NRP2: variants seen among roughly 807,000 people sequenced by gnomAD.
The protein encoded by NRP2 is neuropilin 2.
A neutral mutation model predicts 110.4 loss-of-function variants in NRP2; 52 were observed. The ratio of observed to expected loss-of-function variants is 0.47; its 90% CI spans 0.38 to 0.59. The LOEUF (loss-of-function observed/expected upper bound fraction) is 0.59, where lower values mean the gene tolerates loss of function less well. NRP2 is among the 20% of genes least tolerant of loss of function. The probability of loss-of-function intolerance (pLI) is 0.00; values close to 1 mark genes in which losing one functional copy is unlikely to be tolerated. For synonymous variants in NRP2, 508 were observed against 468.9 expected (o/e 1.08, Z -1.08); for missense variants, 1,049 against 1,203.0 (o/e 0.87, Z 1.89).
At chr2:205,736,470 C>A (rs1009431438) in intron 7 of NRP2, among the ~76,000 whole-genome samples, 1 of 152,210 alleles carries the variant, frequency 6.6e-6, no homozygotes, top group Non-Finnish European at 1.5e-5. Context: ...TTCTCAGATA[C>A]CTCACTGCAA....
intron 1 of NRP2, among the ~76,000 whole-genome samples, chr2:205,687,637 C>T (rs1236176927): frequency 2.0e-5 from 3 of 152,142 alleles, no homozygotes. Flanking sequence ...CCATAGAGCC[C>T]TCAGACATTA....
At chr2:205,786,288 G>GGTC (rs1326832537) in intron 15 of NRP2, among the ~76,000 whole-genome samples, 1 of 152,170 alleles carries the variant, frequency 6.6e-6, no homozygotes, top group Non-Finnish European at 1.5e-5. Flanking sequence ...CTTTTACTGA[G>GGTC]GTCTCAGTGT....
At position 205,785,963 on chromosome 2, in the gene NRP2, G is replaced by A. The variant is rs184641783; in HGVS notation, c.2426-6272G>A. Among the ~76,000 whole-genome samples, 11 of 151,996 alleles carry A rather than the reference G, an allele frequency of 7.2e-5. No homozygotes were observed. In the East Asian group the frequency reaches 1.2e-3, roughly 16 times the overall value. Reference sequence around the variant, plus strand: ...TCCAAAAAATATTTTTTCCATGACCGTGCCTAGATTTGGCTGTAGCCCAAG... The same window carrying A: ...TCCAAAAAATATTTTTTCCATGACCATGCCTAGATTTGGCTGTAGCCCAAG... On this transcript the variant is annotated intron_variant, in intron 15 of 16. Transcript: ENST00000357785.
At chr2:205,685,807 G>C (rs2056142540) in intron 1 of NRP2, 2 of 152,656 alleles carry the variant, frequency 1.3e-5, no homozygotes, top group South Asian at 4.1e-4. Context: ...GGGAATCCAA[G>C]CGCTGGCCCA....
chr2:205,693,426 G>A (rs1166769266), intron 1 of NRP2, among the ~76,000 whole-genome samples: 1 of 151,990 alleles, frequency 6.6e-6, no homozygotes, highest in East Asian at 1.9e-4. Flanking sequence ...AGGAGGCCTG[G>A]ACACTACAAT....
intron 10 of NRP2, among the ~76,000 whole-genome samples, chr2:205,748,979 T>C (rs965868978): frequency 6.6e-6 from 1 of 152,150 alleles, no homozygotes; most frequent in Non-Finnish European, 1.5e-5. Flanking sequence ...TGCTACTTAG[T>C]ATAACATTTT....
chr2:205,716,388 C>A lies in NRP2; in HGVS notation c.433+14C>A, dbSNP rs756581851. 3 of 1,613,128 alleles carry A rather than the reference C, an allele frequency of 1.9e-6. No individual in the cohort carries two copies. Among genetic ancestry groups the A allele is most frequent in the Non-Finnish European group, 2.5e-6 (3 of 1,179,946 alleles). ...TCTTCAAGACAGGTCAGTGTGGTCACACGTAGGGGCCGGGAGATGGGCGTC... is the reference window on the plus strand; with the variant it reads ...TCTTCAAGACAGGTCAGTGTGGTCAAACGTAGGGGCCGGGAGATGGGCGTC... On this transcript the variant is annotated intron_variant, in intron 3 of 16. Transcript: ENST00000357785.
At chr2:205,738,308 G>T (rs886227230) in intron 7 of NRP2, among the ~76,000 whole-genome samples, 2 of 152,078 alleles carry the variant, frequency 1.3e-5, no homozygotes, top group African/African-American at 4.8e-5. Context: ...GAGCAAGCCA[G>T]TGGAGGCCCC....
At chr2:205,696,389 G>A (rs1397958819) in intron 1 of NRP2, among the ~76,000 whole-genome samples, 5 of 152,306 alleles carry the variant, frequency 3.3e-5, no homozygotes, top group Non-Finnish European at 4.4e-5. Context: ...TGCAGATGGC[G>A]ATATTAAATC....
chr2:205,709,167 G>A (rs145053556), intron 2 of NRP2, among the ~76,000 whole-genome samples: 1 of 152,302 alleles, frequency 6.6e-6, no homozygotes, highest in East Asian at 1.9e-4. Flanking sequence ...ATAAAATCTC[G>A]AAAACTCAAG....
At chr2:205,776,253 C>G (rs1208268359) in intron 15 of NRP2, 5 of 1,612,792 alleles carry the variant, frequency 3.1e-6, no homozygotes, top group Non-Finnish European at 4.2e-6. Context: ...CAGGGGGCAC[C>G]CTCCTGCCAG....
At chr2:205,733,414 G>A (rs549835538) in intron 7 of NRP2, among the ~76,000 whole-genome samples, 21 of 152,172 alleles carry the variant, frequency 1.4e-4, no homozygotes, top group Non-Finnish European at 2.8e-4. Flanking sequence ...GTGGAATCAT[G>A]TTCCTTGCCC....
chr2:205,787,972 G>A lies in NRP2; in HGVS notation c.2426-4263G>A, dbSNP rs182863963. ...GGTTGGGTTTGTGACTGGATATGGCGTTCACCCTTTGTGCCGTAGTGTTGC... is the reference window on the plus strand; with the variant it reads ...GGTTGGGTTTGTGACTGGATATGGCATTCACCCTTTGTGCCGTAGTGTTGC... On this transcript the variant is annotated intron_variant, in intron 15 of 16. Coordinates refer to ENST00000357785, the MANE Select transcript of NRP2 (RefSeq NM_003872.3). 4.6e-5 allele frequency among the ~76,000 whole-genome samples: 7 copies of A among 152,208 alleles called. No homozygotes were observed. In the East Asian group the frequency reaches 5.8e-4, roughly 13 times the overall value.
At position 205,731,458 on chromosome 2, in the gene NRP2, C is replaced by T. The variant is rs368810938; in HGVS notation, c.1146+3412C>T. On this transcript the variant is annotated intron_variant, in intron 7 of 16. Transcript: ENST00000357785. The stretch of plus-strand genomic sequence containing the variant: ...AGAGGCACAAGGTCTTGGTCTAGTT[C>T]CTGCCCTCCTGAGATGCTGATTCCA... Among the ~76,000 whole-genome samples the T allele has an allele frequency of 2.7e-4, 41 of 152,300 alleles. 1 individual carries two copies. The highest frequency in any genetic ancestry group is 6.8e-3 in the Middle Eastern group (2 of 294).
intron 3 of NRP2, among the ~76,000 whole-genome samples, chr2:205,717,835 G>T (rs1256480531): frequency 6.6e-6 from 1 of 152,230 alleles, no homozygotes; most frequent in Non-Finnish European, 1.5e-5. Context: ...GGGGATGCTT[G>T]CTCTCTTCGG....
chr2:205,749,079 G>C (rs1265165179), intron 10 of NRP2, among the ~76,000 whole-genome samples: 2 of 152,186 alleles, frequency 1.3e-5, no homozygotes, highest in Non-Finnish European at 2.9e-5. Flanking sequence ...AGATTTGGAA[G>C]ACCTGGCCTG....
At chr2:205,789,316 G>A (rs954816887) in intron 15 of NRP2, among the ~76,000 whole-genome samples, 1 of 152,158 alleles carries the variant, frequency 6.6e-6, no homozygotes, top group East Asian at 1.9e-4. Context: ...AAGGAAACAG[G>A]GTCATGGGAG....
At chr2:205,770,346 G>A (rs2058001639) in intron 15 of NRP2, among the ~76,000 whole-genome samples, 1 of 152,182 alleles carries the variant, frequency 6.6e-6, no homozygotes, top group Admixed American at 6.5e-5. Context: ...CACATCCACA[G>A]CTGTCTCTTG....
At chr2:205,754,147 C>T (rs2057696205) in intron 12 of NRP2, among the ~76,000 whole-genome samples, 1 of 152,166 alleles carries the variant, frequency 6.6e-6, no homozygotes. Flanking sequence ...GACCTGAGAC[C>T]TCCATAAGCA....
Sources: allele counts gnomAD v4.1 joint callset (sites outside exome capture counted in the v4.1 genomes callset), GRCh38; gene constraint gnomAD v4.1.1; transcripts MANE v1.5; gene names NCBI Gene and HGNC (gene_info 2026-07-23, HGNC 2026-07-21).